The following CTNNA2 variants were observed in gnomAD, a reference collection of about 807,000 sequenced individuals.
The protein encoded by CTNNA2 is catenin alpha-2.
A neutral mutation model predicts 101.0 loss-of-function variants in CTNNA2; 42 were observed. The observed-to-expected ratio is 0.42, with a 90% CI of 0.32 to 0.54. CTNNA2 has a LOEUF of 0.54. Among genes scored for constraint, CTNNA2 ranks in the 20% least tolerant of loss-of-function variants. The pLI, the probability that CTNNA2 is intolerant of heterozygous loss-of-function variation, is 0.14. For synonymous variants in CTNNA2, 450 were observed against 456.4 expected, an observed-to-expected ratio of 0.99 and a Z score of 0.18; for missense variants, 871 against 1,223.1, an observed-to-expected ratio of 0.71 and a Z score of 4.29.
intron 9 of CTNNA2, among the ~76,000 whole-genome samples, chr2:80,424,413 T>C (rs1680811868): frequency 6.6e-6 from 1 of 152,220 alleles, no homozygotes; most frequent in African/African-American, 2.4e-5. Flanking sequence ...ACAGACTTTA[T>C]TGCTTGTCTG....
chr2:80,196,062 G>C (rs1706811803), intron 7 of CTNNA2, among the ~76,000 whole-genome samples: 1 of 152,168 alleles, frequency 6.6e-6, no homozygotes, highest in Non-Finnish European at 1.5e-5. Context: ...TTACGTGGCA[G>C]GGTAGTGAAA....
rs575999905 is a variant in CTNNA2 at position 79,401,658 on chromosome 2, T to G, written c.-135+27645T>G. The stretch of plus-strand genomic sequence containing the variant: ...TTAAAATGATATACTAGAAAATATC[T>G]AACAGAAAACAAACCAGTAATGATA... On this transcript the variant is annotated intron_variant, in intron 4 of 21. Coordinates refer to the CTNNA2 transcript ENST00000466387. 2.0e-5 allele frequency among the ~76,000 whole-genome samples: 3 copies of G among 151,456 alleles called. No homozygotes were observed. The East Asian group carries it at 5.8e-4, about 30-fold the overall frequency.
intron 4 of CTNNA2, among the ~76,000 whole-genome samples, chr2:79,482,138 C>T (rs1671115788): frequency 6.6e-6 from 1 of 152,118 alleles, no homozygotes; most frequent in African/African-American, 2.4e-5. Flanking sequence ...GGATTTACTT[C>T]AGTGTCTATT....
chr2:79,903,589 T>C (rs1260818102), intron 6 of CTNNA2, among the ~76,000 whole-genome samples: 5 of 152,130 alleles, frequency 3.3e-5, no homozygotes, highest in Admixed American at 2.6e-4. Flanking sequence ...GCAAGGTAGA[T>C]GGGATTTTAT....
At chr2:79,477,774 G>A (rs1056991844) in intron 4 of CTNNA2, among the ~76,000 whole-genome samples, 3 of 152,142 alleles carry the variant, frequency 2.0e-5, no homozygotes, top group African/African-American at 4.8e-5. Context: ...AACAGAATAC[G>A]CTAGTTACTG....
chr2:79,510,417 T>C (rs757711536), upstream of CTNNA2, among the ~76,000 whole-genome samples: 5 of 152,218 alleles, frequency 3.3e-5, no homozygotes, highest in Non-Finnish European at 7.3e-5. Flanking sequence ...TTTTAGCATC[T>C]AATAATAGCC....
intron 3 of CTNNA2, among the ~76,000 whole-genome samples, chr2:79,365,362 C>T (rs535756566): frequency 3.2e-4 from 48 of 152,198 alleles, no homozygotes; most frequent in African/African-American, 1.1e-3. Context: ...GTGTCTCACA[C>T]CTGTAATCCC....
At chr2:80,641,265 G>A (rs1213108336) in intron 18 of CTNNA2, among the ~76,000 whole-genome samples, 3 of 152,052 alleles carry the variant, frequency 2.0e-5, no homozygotes, top group Non-Finnish European at 2.9e-5. Flanking sequence ...CTTAGCCAGC[G>A]GTCCCATGAC....
At chr2:80,232,995 C>T (rs1372022570) in intron 7 of CTNNA2, among the ~76,000 whole-genome samples, 1 of 152,112 alleles carries the variant, frequency 6.6e-6, no homozygotes, top group African/African-American at 2.4e-5. Context: ...CAAGAAAGAT[C>T]AATTCATCTA....
chr2:79,996,312 C>T (rs1288288808), intron 7 of CTNNA2, among the ~76,000 whole-genome samples: 1 of 152,066 alleles, frequency 6.6e-6, no homozygotes, highest in Non-Finnish European at 1.5e-5. Context: ...GTGAGTTTGT[C>T]CTCTATGCAA....
chr2:80,203,341 A>T, intron 7 of CTNNA2, among the ~76,000 whole-genome samples: 1 of 152,158 alleles, frequency 6.6e-6, no homozygotes, highest in East Asian at 1.9e-4. Flanking sequence ...ATTCCCTTCT[A>T]CCTATGAGCC....
At chr2:79,776,373 A>T (rs941360710) in intron 3 of CTNNA2, among the ~76,000 whole-genome samples, 11 of 152,194 alleles carry the variant, frequency 7.2e-5, no homozygotes, top group African/African-American at 9.6e-5. Context: ...ATCCATGGTA[A>T]CAGATACAAA....
chr2:80,615,268 A>G (rs1389258757), intron 17 of CTNNA2, among the ~76,000 whole-genome samples: 1 of 151,540 alleles, frequency 6.6e-6, no homozygotes, highest in Non-Finnish European at 1.5e-5. Context: ...TTTTCTTAAA[A>G]TACATCAGTT....
intron 1 of CTNNA2, among the ~76,000 whole-genome samples, chr2:79,638,234 C>T (rs923938474): frequency 1.3e-5 from 2 of 152,166 alleles, no homozygotes; most frequent in Admixed American, 6.5e-5. Flanking sequence ...TAACAGGCCT[C>T]ATTTGCATTT....
intron 7 of CTNNA2, among the ~76,000 whole-genome samples, chr2:80,071,885 C>T (rs1371458772): frequency 3.3e-5 from 5 of 152,146 alleles, no homozygotes; most frequent in Non-Finnish European, 7.4e-5. Context: ...TTGGGGAAAA[C>T]TTGCAAATGA....
chr2:80,381,771 G>A (rs1327987025), intron 7 of CTNNA2, among the ~76,000 whole-genome samples: 1 of 152,086 alleles, frequency 6.6e-6, no homozygotes, highest in South Asian at 2.1e-4. Flanking sequence ...AAGGTCCTAG[G>A]TGTTCTCAAA....
At chr2:79,935,425 G>A (rs184701976) in intron 7 of CTNNA2, among the ~76,000 whole-genome samples, 54 of 151,002 alleles carry the variant, frequency 3.6e-4, no homozygotes, top group South Asian at 4.2e-4. Context: ...TACAAAGAAC[G>A]ATATATGCTT....
intron 3 of CTNNA2, among the ~76,000 whole-genome samples, chr2:79,849,895 C>T (rs150930308): frequency 1.3e-5 from 2 of 152,282 alleles, no homozygotes; most frequent in South Asian, 2.1e-4. Context: ...GCCAGGCAGG[C>T]GTTCCTTTCC....
intron 6 of CTNNA2, among the ~76,000 whole-genome samples, chr2:79,875,205 G>C (rs901681096): frequency 2.0e-5 from 3 of 152,194 alleles, no homozygotes; most frequent in East Asian, 3.9e-4. Flanking sequence ...TGAAGCATCA[G>C]TGTGAGTGAG....
Sources: allele counts gnomAD v4.1 joint callset (sites outside exome capture counted in the v4.1 genomes callset), GRCh38; gene constraint gnomAD v4.1.1; transcripts MANE v1.5; gene names NCBI Gene and HGNC (gene_info 2026-07-23, HGNC 2026-07-21).